The following MVB12B variants were observed in gnomAD, a reference collection of about 807,000 sequenced individuals.
The protein encoded by MVB12B is multivesicular body subunit 12B, also known as ESCRT-I complex subunit MVB12B.
Under a neutral mutation model 41.6 loss-of-function variants are expected in MVB12B, and 16 were observed. The ratio of observed to expected loss-of-function variants is 0.38; its 90% confidence interval spans 0.26 to 0.58. The LOEUF is 0.58. MVB12B is among the 20% of genes least tolerant of loss of function. The pLI is 0.62. For synonymous variants in MVB12B, 133 were observed against 139.7 expected, an observed-to-expected ratio of 0.95 and a Z score of 0.34; for missense variants, 274 against 380.2, an observed-to-expected ratio of 0.72 and a Z score of 2.32.
At chr9:126,412,162 G>T (rs1223819414) in intron 6 of MVB12B, among the ~76,000 whole-genome samples, 1 of 152,166 alleles carries the variant, frequency 6.6e-6, no homozygotes, top group African/African-American at 2.4e-5. Context: ...GTGCAGCAAA[G>T]GTCCCCTTCT....
At chr9:126,401,563 G>C (rs1831269215) in intron 6 of MVB12B, among the ~76,000 whole-genome samples, 1 of 152,214 alleles carries the variant, frequency 6.6e-6, no homozygotes, top group Admixed American at 6.5e-5. Flanking sequence ...TGAGAACATA[G>C]ATCCTTGCTG....
chr9:126,375,363 CTTTTTTTTT>C (rs35585049), intron 2 of MVB12B, among the ~76,000 whole-genome samples: 1 of 105,194 alleles, frequency 9.5e-6, no homozygotes, highest in Non-Finnish European at 1.8e-5. Context: ...TAAATTGATT[CTTTTTTTTT>C]TTTTTTTTTT....
In MVB12B at chr9:126,459,404, G is replaced by T. The variant is rs913476807; in HGVS notation, c.758-21965G>T. 6.6e-6 allele frequency among the ~76,000 whole-genome samples: 1 copy of T among 152,348 alleles called. No individual in the cohort carries two copies. The highest frequency in any genetic ancestry group is 2.1e-4 in the South Asian group (1 of 4,828). ...AGTCCAAAGCCGTCTCCAAGACGCAGCTGCATCACTGCCTGCCCCTAGCAT... is the reference window on the plus strand; with the variant it reads ...AGTCCAAAGCCGTCTCCAAGACGCATCTGCATCACTGCCTGCCCCTAGCAT... On this transcript the variant is annotated intron_variant, in intron 7 of 9. Transcript: ENST00000361171. This position sits in a 1 kb window ranked among gnomAD's most constrained non-coding sequence, Gnocchi z 4.3.
At chr9:126,471,157 A>G (rs1833307047) in intron 7 of MVB12B, among the ~76,000 whole-genome samples, 1 of 152,246 alleles carries the variant, frequency 6.6e-6, no homozygotes, top group Non-Finnish European at 1.5e-5. Flanking sequence ...TGCTTTCGAC[A>G]TAAAACCGCA....
chr9:126,422,705 A>G (rs974346272), intron 7 of MVB12B, among the ~76,000 whole-genome samples: 4 of 152,236 alleles, frequency 2.6e-5, no homozygotes, highest in Non-Finnish European at 4.4e-5. Context: ...TTTTGAACAC[A>G]GGAACATGGC....
intron 6 of MVB12B, chr9:126,408,226 G>A (rs1177879837): frequency 1.3e-5 from 2 of 152,154 alleles, no homozygotes; most frequent in Admixed American, 1.3e-4. Flanking sequence ...CAGCAGTGTT[G>A]TGAATATGTC....
chr9:126,413,974 T>C (rs544124685), intron 6 of MVB12B, among the ~76,000 whole-genome samples: 22 of 152,306 alleles, frequency 1.4e-4, no homozygotes, highest in African/African-American at 5.1e-4. Context: ...GCACTGCAGC[T>C]GCCTGGGCAG....
At chr9:126,373,764 C>T (rs200361476) in intron 2 of MVB12B, among the ~76,000 whole-genome samples, 4 of 152,036 alleles carry the variant, frequency 2.6e-5, no homozygotes, top group East Asian at 1.9e-4. Context: ...TTAAATCCAG[C>T]GGATTTTTAT....
chr9:126,499,916 T>C (rs1172941952), intron 9 of MVB12B, among the ~76,000 whole-genome samples: 2 of 150,498 alleles, frequency 1.3e-5, no homozygotes, highest in Non-Finnish European at 3.0e-5. Context: ...GGCCCAGCCA[T>C]GCCCTCCCCG....
intron 2 of MVB12B, among the ~76,000 whole-genome samples, chr9:126,373,810 T>G (rs1296081962): frequency 6.6e-6 from 1 of 152,186 alleles, no homozygotes; most frequent in Non-Finnish European, 1.5e-5. Context: ...TACCATTATT[T>G]TTCTTATAAA....
intron 1 of MVB12B, among the ~76,000 whole-genome samples, chr9:126,327,647 C>T (rs747992745): frequency 1.3e-4 from 20 of 152,298 alleles, no homozygotes; most frequent in Admixed American, 5.9e-4. Context: ...AGAGCTGAGG[C>T]ATGGCACCAG....
At chr9:126,394,720 G>C (rs756224490) in intron 5 of MVB12B, among the ~76,000 whole-genome samples, 9 of 152,170 alleles carry the variant, frequency 5.9e-5, no homozygotes, top group Non-Finnish European at 1.2e-4. Context: ...AAGAAGACAG[G>C]ATTGTGGTTT....
At chr9:126,460,089 G>C (rs1833058634) in intron 7 of MVB12B, among the ~76,000 whole-genome samples, 1 of 152,108 alleles carries the variant, frequency 6.6e-6, no homozygotes, top group Non-Finnish European at 1.5e-5. Flanking sequence ...GGCCCCTAGG[G>C]GTCCCCAAAT....
intron 6 of MVB12B, among the ~76,000 whole-genome samples, chr9:126,420,561 C>CTTTTTTTTTTTTTTTTTTT (rs567217742): frequency 1.0e-5 from 1 of 98,868 alleles, no homozygotes; most frequent in Non-Finnish European, 1.9e-5. Context: ...TCCCAGGAGT[C>CTTTTTTTTTTTTTTTTTTT]TTTTTTTTTT....
In MVB12B at chr9:126,433,316, CTGATACACCAGGTATCCCCTT is replaced by C. The variant is rs539492012; in HGVS notation, c.757+11385_757+11405del. On this transcript the variant is annotated intron_variant, in intron 7 of 9. Coordinates refer to ENST00000361171, the MANE Select transcript of MVB12B (RefSeq NM_033446.3). The stretch of plus-strand genomic sequence containing the variant: ...AAAGGGGATACACCAGGTATCCCCT[CTGATACACCAGGTATCCCCTT>C]TGATACACCAGGTATCAAAGAACCT... Among the ~76,000 whole-genome samples, 1,170 of 150,086 alleles carry C rather than the reference CTGATACACCAGGTATCCCCTT, an allele frequency of 7.8e-3. 12 individuals are homozygous for C. The highest frequency in any genetic ancestry group is 0.01 in the Non-Finnish European group (693 of 67,716).
intron 7 of MVB12B, among the ~76,000 whole-genome samples, chr9:126,432,009 T>C (rs1832343294): frequency 6.6e-6 from 1 of 152,208 alleles, no homozygotes; most frequent in African/African-American, 2.4e-5. Context: ...TTGTATATTC[T>C]GCAGCTTGAG....
chr9:126,412,391 A>T (rs962580482), intron 6 of MVB12B, among the ~76,000 whole-genome samples: 1 of 151,964 alleles, frequency 6.6e-6, no homozygotes, highest in Non-Finnish European at 1.5e-5. Flanking sequence ...GTTGCTTTTC[A>T]TATTTCTTCT....
intron 6 of MVB12B, among the ~76,000 whole-genome samples, chr9:126,403,714 G>C (rs1023586058): frequency 2.6e-5 from 4 of 152,204 alleles, no homozygotes; most frequent in African/African-American, 9.7e-5. Context: ...TAAGTGCTCA[G>C]TGGAAAATGT....
intron 2 of MVB12B, among the ~76,000 whole-genome samples, chr9:126,342,865 T>A (rs1056369090): frequency 6.6e-6 from 1 of 152,214 alleles, no homozygotes; most frequent in Non-Finnish European, 1.5e-5. Context: ...GCTGCAGAGA[T>A]GCTTAGACAG....
Sources: allele counts gnomAD v4.1 joint callset (sites outside exome capture counted in the v4.1 genomes callset), GRCh38; gene constraint gnomAD v4.1.1; non-coding constraint Gnocchi (gnomAD v3.1); transcripts MANE v1.5; gene names NCBI Gene and HGNC (gene_info 2026-07-23, HGNC 2026-07-21).